The following OGFR variants were observed in gnomAD, a reference collection of about 807,000 sequenced individuals.
The protein encoded by OGFR is opioid growth factor receptor.
Under a neutral mutation model 33.6 loss-of-function variants are expected in OGFR, and 18 were observed. The ratio of observed to expected loss-of-function variants is 0.54; its 90% CI spans 0.37 to 0.80. The LOEUF is 0.80. Ranked by LOEUF, OGFR falls within the 30% of genes least tolerant of loss-of-function variation. The pLI is 0.00. For synonymous variants in OGFR, 370 were observed against 400.7 expected, an observed-to-expected ratio of 0.92 and a Z score of 0.91; for missense variants, 877 against 955.8, an observed-to-expected ratio of 0.92 and a Z score of 1.09.
At chr20:62,811,780 C>T (rs1426497242) in intron 6 of OGFR, among the ~76,000 whole-genome samples, 170 bp downstream of exon 6, 1 of 152,188 alleles carries the variant, frequency 6.6e-6, no homozygotes, top group African/African-American at 2.4e-5. Context: ...GGCGGTCCCT[C>T]CCCGATAGGG....
chr20:62,811,191 G>A (rs938902009), intron 5 of OGFR, among the ~76,000 whole-genome samples: 4 of 151,714 alleles, frequency 2.6e-5, no homozygotes, highest in Admixed American at 6.6e-5. Flanking sequence ...ACAAAACCCC[G>A]TTTCTACTAA....
At chr20:62,809,103 C>T (rs1174661655) in intron 3 of OGFR, among the ~76,000 whole-genome samples, 1 of 151,972 alleles carries the variant, frequency 6.6e-6, no homozygotes, top group Non-Finnish European at 1.5e-5. Flanking sequence ...ACGTGCCGGG[C>T]TGCAACGTGA....
At chr20:62,810,236 A>G (rs1990693471) in intron 4 of OGFR, among the ~76,000 whole-genome samples, 1 of 152,194 alleles carries the variant, frequency 6.6e-6, no homozygotes, top group Non-Finnish European at 1.5e-5. Context: ...GGATGGCTGC[A>G]GGGCCCCTCG....
In OGFR at chr20:62,811,626, T is replaced by TGGGGGCCCC; in HGVS notation, c.614+16_614+17insGGGGGCCCC. The TGGGGGCCCC allele has an allele frequency of 2.0e-6, 3 of 1,502,524 alleles. No homozygotes were observed. The highest frequency in any genetic ancestry group is 1.4e-5 in the African/African-American group (1 of 71,438). 93.1% of individuals were successfully genotyped at this position (1,502,524 alleles called of 1,614,324 possible). A position where few individuals can be genotyped will look rare whatever the true frequency, so the allele number is the denominator to read the frequency against. ...ACCTGAACTGGTGAGGCCCGGCTGC[T>TGGGGGCCCC]CCCGCCCACCCCCACCCCGGCGCAG... On this transcript the variant is annotated intron_variant, in intron 6 of 6. Coordinates refer to ENST00000290291, the MANE Select transcript of OGFR (RefSeq NM_007346.4).
Position 62,804,842 on chromosome 20 carries a change from GC to G in OGFR, c.-14del. The G allele has an allele frequency of 7.0e-7, 1 of 1,419,606 alleles. No homozygotes were observed. Among genetic ancestry groups the G allele is most frequent in the Admixed American group, 3.0e-5 (1 of 33,048 alleles). The allele number at this position is 1,419,606 out of a possible 1,614,324, so 87.9% of individuals were successfully genotyped here. On this transcript the variant is annotated 5_prime_UTR_variant, in exon 1 of 7. Transcript: ENST00000290291. ...GGTTTCGCTTCCGCCTCCAGCGCGA[GC>G]CCCGCCGCCGCCGAGCATGGACGAC...
chr20:62,808,400 T>A lies in OGFR; in HGVS notation c.319+75T>A, dbSNP rs1287824577. On this transcript the variant is annotated intron_variant, in intron 3 of 6. Coordinates refer to ENST00000290291, the MANE Select transcript of OGFR (RefSeq NM_007346.4). ...AGGGGTGGTCCACTGGGCCCTGGTT[T>A]GGGATGTACCCGGCGATTACCAGGG... 9.7e-6 allele frequency: 11 copies of A among 1,131,366 alleles called. No homozygotes were observed. In the East Asian group the frequency reaches 2.6e-4, roughly 27 times the overall value. The allele number at this position is 1,131,366 out of a possible 1,614,324, so 70.1% of individuals were successfully genotyped here.
intron 6 of OGFR, 128 bp downstream of exon 6, chr20:62,811,738 C>G (rs1244659180): frequency 9.6e-7 from 1 of 1,047,020 alleles, no homozygotes; most frequent in Non-Finnish European, 1.3e-6. Flanking sequence ...GGACCAAGGC[C>G]CTGAGTCCCC....
In OGFR at chr20:62,807,618, C is replaced by G; in HGVS notation, c.240+13C>G. ...GCACAACTATCCGGTACGTACCTGC[C>G]CCTGCCCCGGGACACAGAACCCTCC... On this transcript the variant is annotated intron_variant, in intron 2 of 6. Coordinates refer to ENST00000290291, the MANE Select transcript of OGFR (RefSeq NM_007346.4). 6.2e-7 allele frequency: 1 copy of G among 1,610,798 alleles called. No homozygotes were observed.
rs1056126410 is a variant in OGFR at position 62,812,975 on chromosome 20, A to G, written c.1360A>G (p.Lys454Glu). The G allele has an allele frequency of 7.4e-6, 12 of 1,612,026 alleles. No homozygotes were observed. Among genetic ancestry groups the G allele is most frequent in the Non-Finnish European group, 1.0e-5 (12 of 1,179,682 alleles). Residue 454 changes from lysine to glutamate, a missense_variant, in exon 7 of 7, where the codon AAG becomes GAG. Coordinates refer to ENST00000290291, the MANE Select transcript of OGFR (RefSeq NM_007346.4). ...ACCCCTGGGAGCCAGGGTGGCCGAC[A>G]AGGTGAGGAAGCGGAGGAAGGTGGA... Reference protein sequence around the residue: ...RQPLGARVADKVRKRRKVDEG... With the variant: ...RQPLGARVADEVRKRRKVDEG...
intron 3 of OGFR, among the ~76,000 whole-genome samples, chr20:62,809,040 A>T (rs1306713310): frequency 1.3e-5 from 2 of 151,874 alleles, no homozygotes; most frequent in African/African-American, 4.8e-5. Flanking sequence ...ATAAGAAATT[A>T]AAATTTCAGT....
chr20:62,807,538 C>T lies in OGFR; in HGVS notation c.173C>T (p.Ser58Phe). ...PRAARPSSFQSRMTGSRNWRA... is the reference protein window; with the variant it reads ...PRAARPSSFQFRMTGSRNWRA... ...TAATCCCATCTCTTTTCTTCCCAGTCCAGAATGACAGGGTCCAGAAACTGG... is the reference window on the plus strand; with the variant it reads ...TAATCCCATCTCTTTTCTTCCCAGTTCAGAATGACAGGGTCCAGAAACTGG... The change falls in exon 2 of 7, where the codon TCC becomes TTC. Residue 58 changes from serine (S) to phenylalanine (F), a missense_variant and splice_region_variant. Ser to Phe is a radical substitution (Grantham distance 155). Around this residue, in one of 3 missense-constraint regions of OGFR, gnomAD observed 760 missense variants for 736.0 expected, o/e 1.03. Coordinates refer to ENST00000290291, the MANE Select transcript of OGFR (RefSeq NM_007346.4). 4.3e-6 allele frequency: 7 copies of T among 1,612,686 alleles called. No homozygotes were observed. Among genetic ancestry groups the T allele is most frequent in the Non-Finnish European group, 5.9e-6 (7 of 1,179,696 alleles).
At chr20:62,808,696 G>A (rs546052116) in intron 3 of OGFR, among the ~76,000 whole-genome samples, 132 of 152,196 alleles carry the variant, frequency 8.7e-4, no homozygotes, top group Non-Finnish European at 1.4e-3. Context: ...AGTAGAGGCC[G>A]GGCCTGGTGG....
Position 62,811,626 on chromosome 20 carries a change from T to TGGCGCCCCC in OGFR, c.614+16_614+17insGGCGCCCCC. Reference sequence around the variant, plus strand: ...ACCTGAACTGGTGAGGCCCGGCTGCTCCCGCCCACCCCCACCCCGGCGCAG... The same window carrying TGGCGCCCCC: ...ACCTGAACTGGTGAGGCCCGGCTGCTGGCGCCCCCCCCGCCCACCCCCACCCCGGCGCAG... On this transcript the variant is annotated intron_variant, in intron 6 of 6. Transcript: ENST00000290291. 6.7e-7 allele frequency: 1 copy of TGGCGCCCCC among 1,502,522 alleles called. No homozygotes were observed. Among genetic ancestry groups the TGGCGCCCCC allele is most frequent in the Non-Finnish European group, 9.0e-7 (1 of 1,110,114 alleles). 93.1% of individuals were successfully genotyped at this position (1,502,522 alleles called of 1,614,324 possible). A position where few individuals can be genotyped will look rare whatever the true frequency, so the allele number is the denominator to read the frequency against.
At position 62,809,589 on chromosome 20, in the gene OGFR, T is replaced by C. The variant is rs749317701; in HGVS notation, c.324T>C (p.Cys108=). The C allele has an allele frequency of 1.2e-6, 2 of 1,612,030 alleles. No individual in the cohort carries two copies. ...TTGTCCCCATGGGGCTCCCAGGCTG[T>C]TTCATTGAGGACATTCTTCAGAACT... ...RNEIRFLPNG[C]FIEDILQNWT... Residue 108 remains cysteine, a synonymous_variant, in exon 4 of 7, where the codon TGT becomes TGC. Transcript: ENST00000290291.
intron 3 of OGFR, among the ~76,000 whole-genome samples, 160 bp downstream of exon 3, chr20:62,808,485 C>T (rs1468820665): frequency 1.3e-5 from 2 of 152,140 alleles, no homozygotes; most frequent in Admixed American, 6.5e-5. Context: ...ACTCCAGGAT[C>T]CCCGGCTTGG....
chr20:62,810,362 A>G, intron 4 of OGFR, 137 bp from the exon 5 acceptor site: 1 of 762,548 alleles, frequency 1.3e-6, no homozygotes. Flanking sequence ...TCGCTCCTCC[A>G]CCTAGCCACT....
At position 62,813,902 on chromosome 20, in the gene OGFR, G is replaced by A; in HGVS notation, c.*253G>A. On this transcript the variant is annotated 3_prime_UTR_variant, in exon 7 of 7. Transcript: ENST00000290291. ...AGCTCTCCCCTGCGCCCCTGTCTTT[G>A]TAAATTGACCCTTCTGGAGTGGGGG... is the stretch of plus-strand genomic sequence containing the variant. The A allele has an allele frequency of 3.4e-6, 2 of 583,696 alleles. No homozygotes were observed. The highest frequency in any genetic ancestry group is 4.2e-5 in the South Asian group (2 of 47,602). 36.2% of individuals were successfully genotyped at this position (583,696 alleles called of 1,614,324 possible).
rs571419771 is a variant in OGFR, at chr20:62,805,090, G to A, written c.171+60G>A. On this transcript the variant is annotated intron_variant, in intron 1 of 6. Transcript: ENST00000290291. ...CCCGGCGCCCCCCGCCCGGCTGCGT[G>A]GACGGGAGACCCCCCCATCCCGGGC... 1.9e-4 allele frequency: 243 copies of A among 1,247,224 alleles called. No homozygotes were observed. The African/African-American group carries it at 3.6e-3, about 18-fold the overall frequency. 77.3% of individuals were successfully genotyped at this position (1,247,224 alleles called of 1,614,324 possible).
At chr20:62,811,219 C>T (rs1287091864) in intron 5 of OGFR, among the ~76,000 whole-genome samples, 1 of 152,164 alleles carries the variant, frequency 6.6e-6, no homozygotes, top group Admixed American at 6.5e-5. Flanking sequence ...AAAAAATTAG[C>T]CAGGTGTGGT....
Sources: allele counts gnomAD v4.1 joint callset (sites outside exome capture counted in the v4.1 genomes callset), GRCh38; gene constraint gnomAD v4.1.1; regional missense constraint gnomAD v4.1.1; transcripts MANE v1.5; gene names NCBI Gene and HGNC (gene_info 2026-07-23, HGNC 2026-07-21).